Variants in CDRT4 observed in about 807,000 individuals in gnomAD.
The protein encoded by CDRT4 is CMT1A duplicated region transcript 4, also known as CMT1A duplicated region transcript 4 protein.
For missense variants in CDRT4, 167 were observed against 193.1 expected (o/e 0.87, Z 0.80); for synonymous variants, 64 against 69.6 (o/e 0.92, Z 0.40).
chr17:15,457,286 C>T (rs1979530282), intron 1 of CDRT4, among the ~76,000 whole-genome samples: 1 of 152,198 alleles, frequency 6.6e-6, no homozygotes, highest in South Asian at 2.1e-4. Context: ...ACCAAGAAAA[C>T]ACTGCAAGCC....
At chr17:15,462,276 A>G (rs565023946) in intron 1 of CDRT4, among the ~76,000 whole-genome samples, 1 of 151,988 alleles carries the variant, frequency 6.6e-6, no homozygotes, top group South Asian at 2.1e-4. Flanking sequence ...AAAATACAAA[A>G]AATTAGCCAG....
chr17:15,458,490 C>A (rs1979590459), intron 1 of CDRT4, among the ~76,000 whole-genome samples: 1 of 152,096 alleles, frequency 6.6e-6, no homozygotes, highest in South Asian at 2.1e-4. Flanking sequence ...CCACCAGAAG[C>A]TCTGAGTAGA....
At chr17:15,449,852 G>C (rs1370771152) in intron 2 of CDRT4, among the ~76,000 whole-genome samples, 1 of 152,076 alleles carries the variant, frequency 6.6e-6, no homozygotes, top group Non-Finnish European at 1.5e-5. Flanking sequence ...TAGAATAATG[G>C]CTTCCAGCTC....
intron 2 of CDRT4, among the ~76,000 whole-genome samples, chr17:15,441,078 A>G (rs1026193682): frequency 6.6e-6 from 1 of 152,224 alleles, no homozygotes; most frequent in African/African-American, 2.4e-5. Flanking sequence ...CGTATGCCTA[A>G]GAGTTCATTA....
chr17:15,460,559 C>T (rs1794180295), intron 1 of CDRT4, among the ~76,000 whole-genome samples: 1 of 152,116 alleles, frequency 6.6e-6, no homozygotes, highest in African/African-American at 2.4e-5. Flanking sequence ...TCCTGAAAGC[C>T]ACACATCTAA....
chr17:15,446,763 T>C (rs894736041), intron 2 of CDRT4, among the ~76,000 whole-genome samples: 1 of 152,140 alleles, frequency 6.6e-6, no homozygotes, highest in Non-Finnish European at 1.5e-5. Flanking sequence ...TAACACAGAC[T>C]TGGCATTACT....
chr17:15,459,439 CTTTTTTT>C (rs35161691), intron 1 of CDRT4, among the ~76,000 whole-genome samples: 9 of 107,484 alleles, frequency 8.4e-5, no homozygotes, highest in African/African-American at 1.2e-4. Context: ...CTTTTTTTTT[CTTTTTTT>C]TTTTTTTTTT....
rs150459531 is a variant in CDRT4, at chr17:15,437,638, C to A, written c.*135G>T. On this transcript the variant is annotated 3_prime_UTR_variant, in exon 4 of 4. Coordinates refer to ENST00000619038, the MANE Select transcript of CDRT4 (RefSeq NM_001204477.2). Reference sequence around the variant, plus strand: ...TGATCTGGTTTCTCTTAGCCAAGCTCCGCATGAGCAAGAGCAAGTTCAGAT... The same window carrying A: ...TGATCTGGTTTCTCTTAGCCAAGCTACGCATGAGCAAGAGCAAGTTCAGAT... 7.6e-6 allele frequency: 7 copies of A among 924,684 alleles called. No homozygotes were observed. In the East Asian group the frequency reaches 1.8e-4, roughly 24 times the overall value. 57.3% of individuals were successfully genotyped at this position (924,684 alleles called of 1,614,324 possible).
At chr17:15,455,050 T>C (rs73287779) in intron 1 of CDRT4, among the ~76,000 whole-genome samples, 5,497 of 152,086 alleles carry the variant, frequency 0.036, 314 homozygotes, top group African/African-American at 0.13. Flanking sequence ...AACAATGGCA[T>C]GCAACGTGAG....
intron 1 of CDRT4, 79 bp from the exon 2 acceptor site, chr17:15,453,164 G>A (rs1341453872): frequency 6.6e-6 from 1 of 152,130 alleles, no homozygotes; most frequent in East Asian, 1.9e-4. Context: ...TGGGAGTGGA[G>A]GGAGAATTGA....
chr17:15,465,333 C>T (rs1317525814), intron 1 of CDRT4, among the ~76,000 whole-genome samples: 1 of 147,616 alleles, frequency 6.8e-6, no homozygotes, highest in Non-Finnish European at 1.5e-5. Context: ...CACAGACATG[C>T]ACAACACAGA....
intron 1 of CDRT4, among the ~76,000 whole-genome samples, chr17:15,455,264 C>A (rs1196740804): frequency 6.6e-6 from 1 of 152,204 alleles, no homozygotes; most frequent in African/African-American, 2.4e-5. Context: ...TGAGAAGTCT[C>A]TAGATGCTAT....
At chr17:15,454,788 C>T (rs977299483) in intron 1 of CDRT4, among the ~76,000 whole-genome samples, 45 of 152,174 alleles carry the variant, frequency 3.0e-4, no homozygotes, top group African/African-American at 9.6e-4. Context: ...ACCTTCACCT[C>T]GGTATGTCCC....
chr17:15,440,161 G>C (rs759317938), intron 3 of CDRT4, 47 bp downstream of exon 3: 1 of 1,604,074 alleles, frequency 6.2e-7, no homozygotes, highest in Non-Finnish European at 8.5e-7. Flanking sequence ...TCCAACCCTA[G>C]ACGGCCCCAG....
Position 15,438,006 on chromosome 17 carries a change from G to C in CDRT4, c.226C>G (p.Pro76Ala), listed in dbSNP as rs374787075. The stretch of plus-strand genomic sequence containing the variant: ...GACTTGGAAGACTTCCTCCTTTTCG[G>C]CTGAATGACGCTGGAAGGTTTATTC... Reference protein sequence around the residue: ...RQNKPSSVIQPKRRKSSKSSG... With the variant: ...RQNKPSSVIQAKRRKSSKSSG... The change falls in exon 4 of 4, where the codon CCG becomes GCG. Residue 76 changes from proline to alanine, a missense_variant. Coordinates refer to ENST00000619038, the MANE Select transcript of CDRT4 (RefSeq NM_001204477.2). 1.9e-6 allele frequency: 3 copies of C among 1,614,004 alleles called. No individual in the cohort carries two copies. Among genetic ancestry groups the C allele is most frequent in the African/African-American group, 1.3e-5 (1 of 74,910 alleles).
chr17:15,440,195 C>G lies in CDRT4; in HGVS notation c.31+13G>C, dbSNP rs753341242. The G allele has an allele frequency of 6.2e-7, 1 of 1,613,578 alleles. No individual in the cohort carries two copies. The highest frequency in any genetic ancestry group is 8.5e-7 in the Non-Finnish European group (1 of 1,179,960). On this transcript the variant is annotated intron_variant, in intron 3 of 3. Coordinates refer to ENST00000619038, the MANE Select transcript of CDRT4 (RefSeq NM_001204477.2). ...AGTGCAGGAGCTTCCACTGGTAACACTCCCAACCCTACCTTCTTCTTTCTT... is the reference window on the plus strand; with the variant it reads ...AGTGCAGGAGCTTCCACTGGTAACAGTCCCAACCCTACCTTCTTCTTTCTT...
intron 2 of CDRT4, among the ~76,000 whole-genome samples, chr17:15,446,050 A>C (rs1302549418): frequency 6.6e-6 from 1 of 152,136 alleles, no homozygotes; most frequent in Non-Finnish European, 1.5e-5. Flanking sequence ...TAAAGCCAGA[A>C]GTGTCTTGAA....
chr17:15,457,631 A>G (rs1979544999), intron 1 of CDRT4, among the ~76,000 whole-genome samples: 1 of 152,244 alleles, frequency 6.6e-6, no homozygotes, highest in African/African-American at 2.4e-5. Flanking sequence ...ATTCAGACAC[A>G]GGAAAACATT....
Position 15,437,843 on chromosome 17 carries a change from G to A in CDRT4, c.389C>T (p.Thr130Ile). Residue 130 changes from threonine (T) to isoleucine (I), a missense_variant, in exon 4 of 4, where the codon ACT becomes ATT. Coordinates refer to ENST00000619038, the MANE Select transcript of CDRT4 (RefSeq NM_001204477.2). ...HLHADSRDCP[T>I]ENYNKIIFAR... ...AAAGATGATCTTGTTATAGTTTTCAGTTGGACAGTCTCTGGAATCCGCATG... is the reference window on the plus strand; with the variant it reads ...AAAGATGATCTTGTTATAGTTTTCAATTGGACAGTCTCTGGAATCCGCATG... 1 of 1,614,174 alleles carries A rather than the reference G, an allele frequency of 6.2e-7. No homozygotes were observed. The highest frequency in any genetic ancestry group is 8.5e-7 in the Non-Finnish European group (1 of 1,180,032).
Sources: allele counts gnomAD v4.1 joint callset (sites outside exome capture counted in the v4.1 genomes callset), GRCh38; gene constraint gnomAD v4.1.1; transcripts MANE v1.5; gene names NCBI Gene and HGNC (gene_info 2026-07-23, HGNC 2026-07-21).